The following TOLLIP variants were observed in gnomAD, a reference collection of about 807,000 sequenced individuals.
TOLLIP encodes toll interacting protein, also known as toll-interacting protein.
In TOLLIP, 16 loss-of-function variants were observed where a neutral mutation model predicts 33.5. The ratio of observed to expected loss-of-function variants is 0.48; its 90% CI spans 0.32 to 0.72. TOLLIP has a LOEUF of 0.72. TOLLIP is among the 30% of genes least tolerant of loss of function. TOLLIP has a pLI of 0.03. For synonymous variants in TOLLIP, 176 were observed against 163.7 expected (o/e 1.07, Z -0.57); for missense variants, 325 against 396.6 (o/e 0.82, Z 1.53).
intron 5 of TOLLIP, among the ~76,000 whole-genome samples, chr11:1,279,086 G>T (rs138709550): frequency 9.9e-5 from 15 of 152,220 alleles, no homozygotes; most frequent in Non-Finnish European, 1.9e-4. Context: ...GGAAGGGACA[G>T]GAGGAGGGGA....
intron 2 of TOLLIP, among the ~76,000 whole-genome samples, chr11:1,292,661 G>A (rs903418347): frequency 2.0e-5 from 3 of 152,222 alleles, no homozygotes; most frequent in African/African-American, 7.2e-5. Flanking sequence ...GAGACACTGT[G>A]GACACCGTGG....
intron 5 of TOLLIP, among the ~76,000 whole-genome samples, chr11:1,282,472 AAAAT>A (rs899973164): frequency 1.3e-5 from 2 of 151,142 alleles, no homozygotes; most frequent in East Asian, 1.9e-4. Flanking sequence ...AAGTATAATT[AAAAT>A]AAATAAATAA....
chr11:1,276,750 C>A lies in TOLLIP; in HGVS notation c.*289G>T. 1 of 1,481,040 alleles carries A rather than the reference C, an allele frequency of 6.8e-7. No homozygotes were observed. The highest frequency in any genetic ancestry group is 9.0e-7 in the Non-Finnish European group (1 of 1,111,464). The allele number at this position is 1,481,040 out of a possible 1,614,324, so 91.7% of individuals were successfully genotyped here. A position where few individuals can be genotyped will look rare whatever the true frequency, so the allele number is the denominator to read the frequency against. On this transcript the variant is annotated 3_prime_UTR_variant, in exon 6 of 6. Coordinates refer to ENST00000317204, the MANE Select transcript of TOLLIP (RefSeq NM_019009.4). ...AAGCAGCTGCTCTCTACAGCAAGAG[C>A]ATTTTCCAGAACGGCATGAGAAGGA...
At chr11:1,295,539 T>C (rs2133916312) in intron 2 of TOLLIP, 106 bp downstream of exon 2, 2 of 1,331,806 alleles carry the variant, frequency 1.5e-6, no homozygotes, top group Non-Finnish European at 2.0e-6. Context: ...GAATCAGAAG[T>C]TCTGTTTGCC....
In TOLLIP at chr11:1,290,476, G is replaced by T; in HGVS notation, c.184-67C>A. 1 of 1,495,278 alleles carries T rather than the reference G, an allele frequency of 6.7e-7. No homozygotes were observed. The highest frequency in any genetic ancestry group is 1.2e-5 in the South Asian group (1 of 84,930). 92.6% of individuals were successfully genotyped at this position (1,495,278 alleles called of 1,614,324 possible). A position where few individuals can be genotyped will look rare whatever the true frequency, so the allele number is the denominator to read the frequency against. ...CAGGAGAGGGTGGGTTCTCTAGGCC[G>T]TCTGCCTCCCTGAACCCTTCCACGA... On this transcript the variant is annotated intron_variant, in intron 2 of 5. Transcript: ENST00000317204. This position sits in a 1 kb window ranked among gnomAD's most constrained non-coding sequence, Gnocchi z 4.9.
intron 2 of TOLLIP, among the ~76,000 whole-genome samples, chr11:1,294,323 G>C (rs1265007518): frequency 3.7e-5 from 2 of 54,436 alleles, no homozygotes; most frequent in African/African-American, 1.6e-4. Flanking sequence ...TCCTTTCCCT[G>C]CATTTCTACG....
intron 2 of TOLLIP, chr11:1,292,101 G>A (rs986824552): frequency 1.1e-4 from 16 of 152,234 alleles, no homozygotes; most frequent in African/African-American, 3.9e-4. Context: ...GAATGCTATG[G>A]AGTGACAGTT....
In TOLLIP at chr11:1,288,638, C is replaced by T. The variant is rs144024538; in HGVS notation, c.505G>A (p.Val169Ile). 19 of 1,612,270 alleles carry T rather than the reference C, an allele frequency of 1.2e-5. No homozygotes were observed. Among genetic ancestry groups the T allele is most frequent in the African/African-American group, 6.7e-5 (5 of 74,928 alleles). The change falls in exon 4 of 6, where the codon GTC (valine) becomes ATC (isoleucine). Residue 169 changes from valine (V) to isoleucine (I), a missense_variant. By Grantham distance (29) the Val-to-Ile change is conservative. Transcript: ENST00000317204. Reference protein sequence around the residue: ...GDDKEGMINLVMSYALLPAAM... With the variant: ...GDDKEGMINLIMSYALLPAAM... The stretch of plus-strand genomic sequence containing the variant: ...GTGCAGCTCACCGCGTAGGACATGA[C>T]GAGGTTGATCATGCCCTCCTTGTCG...
intron 5 of TOLLIP, among the ~76,000 whole-genome samples, chr11:1,281,532 T>C (rs569719219): frequency 5.3e-5 from 8 of 152,282 alleles, no homozygotes; most frequent in Non-Finnish European, 1.0e-4. Flanking sequence ...CCCCGAGACC[T>C]GCACCCTGTG....
At chr11:1,296,303 C>T (rs1404958725) in intron 1 of TOLLIP, among the ~76,000 whole-genome samples, 4 of 152,220 alleles carry the variant, frequency 2.6e-5, no homozygotes, top group Admixed American at 2.0e-4. Context: ...CCCAGAAGAA[C>T]GCAGGAAGTA....
At position 1,275,635 on chromosome 11, in the gene TOLLIP, T is replaced by C. The variant is rs1863273156; in HGVS notation, c.*1404A>G. 1 of 152,128 alleles carries C rather than the reference T, an allele frequency of 6.6e-6. No homozygotes were observed. Among genetic ancestry groups the C allele is most frequent in the Non-Finnish European group, 1.5e-5 (1 of 68,034 alleles). 9.4% of individuals were successfully genotyped at this position (152,128 alleles called of 1,614,324 possible). ...TCCCTCCCCCACGGCCACCACACACTTCAAGTTTACAAAAATAAATATTTA... is the reference window on the plus strand; with the variant it reads ...TCCCTCCCCCACGGCCACCACACACCTCAAGTTTACAAAAATAAATATTTA... On this transcript the variant is annotated 3_prime_UTR_variant, in exon 6 of 6. Transcript: ENST00000317204.
At chr11:1,307,657 C>G (rs1436848154) in intron 1 of TOLLIP, among the ~76,000 whole-genome samples, 1 of 152,224 alleles carries the variant, frequency 6.6e-6, no homozygotes, top group Non-Finnish European at 1.5e-5. Context: ...GTGCTGGTTC[C>G]CTTGTTGCTC....
At chr11:1,293,097 G>A (rs766071540) in intron 2 of TOLLIP, among the ~76,000 whole-genome samples, 10 of 152,158 alleles carry the variant, frequency 6.6e-5, no homozygotes, top group Non-Finnish European at 1.5e-4. Flanking sequence ...GGTGGCGCCT[G>A]TGCTGAGGGT....
chr11:1,287,261 C>T (rs373719023), intron 4 of TOLLIP, among the ~76,000 whole-genome samples: 7 of 152,208 alleles, frequency 4.6e-5, no homozygotes, highest in Non-Finnish European at 7.3e-5. Flanking sequence ...TGTATGAAAG[C>T]GTCTGTTAAA....
chr11:1,278,142 C>T lies in TOLLIP; in HGVS notation c.611-889G>A, dbSNP rs1863371501. ...AAGACTCGCCTCCCAGCCTGGTGGC[C>T]GCTCCCTAAAACCACGAGCAGCCCT... On this transcript the variant is annotated intron_variant, in intron 5 of 5. Coordinates refer to ENST00000317204, the MANE Select transcript of TOLLIP (RefSeq NM_019009.4). The surrounding 1 kb of genome is among the most constrained non-coding windows in gnomAD (Gnocchi z 4.7). Among the ~76,000 whole-genome samples the T allele has an allele frequency of 6.6e-6, 1 of 152,122 alleles. No homozygotes were observed. The highest frequency in any genetic ancestry group is 6.5e-5 in the Admixed American group (1 of 15,276).
At chr11:1,302,721 A>T in intron 1 of TOLLIP, 1 of 985,724 alleles carries the variant, frequency 1.0e-6, no homozygotes, top group Non-Finnish European at 1.2e-6. Flanking sequence ...CATGTTCAAT[A>T]AACAACCCTT....
At position 1,276,480 on chromosome 11, in the gene TOLLIP, C is replaced by G; in HGVS notation, c.*559G>C. 1 of 362,288 alleles carries G rather than the reference C, an allele frequency of 2.8e-6. No individual in the cohort carries two copies. The highest frequency in any genetic ancestry group is 5.2e-6 in the Non-Finnish European group (1 of 191,906). The allele number at this position is 362,288 out of a possible 1,614,324, so 22.4% of individuals were successfully genotyped here. Reference sequence around the variant, plus strand: ...GTGGCCAGGTGAGCCAGGCCAGAGGCCGGCCCCACACCATCCACAGGAAGC... The same window carrying G: ...GTGGCCAGGTGAGCCAGGCCAGAGGGCGGCCCCACACCATCCACAGGAAGC... On this transcript the variant is annotated 3_prime_UTR_variant, in exon 6 of 6. Coordinates refer to ENST00000317204, the MANE Select transcript of TOLLIP (RefSeq NM_019009.4).
rs779689281 is a variant in TOLLIP, at chr11:1,295,832, G to A, written c.34-38C>T. On this transcript the variant is annotated intron_variant, in intron 1 of 5. Transcript: ENST00000317204. ...GGACCAGAGAGGCCAGTGAGTCAGG[G>A]TGGGGGCACAAAGCAGCCCGACAGC... 5 of 1,517,280 alleles carry A rather than the reference G, an allele frequency of 3.3e-6. 1 individual carries two copies. The South Asian group carries it at 6.2e-5, about 19-fold the overall frequency. 94.0% of individuals were successfully genotyped at this position (1,517,280 alleles called of 1,614,324 possible).
intron 2 of TOLLIP, among the ~76,000 whole-genome samples, chr11:1,292,571 T>TG (rs1863983542): frequency 1.3e-5 from 2 of 152,248 alleles, no homozygotes; most frequent in Non-Finnish European, 2.9e-5. Context: ...ACTGCTCTGC[T>TG]GAAGTGACCT....
Sources: gnomAD v4.1 joint callset for allele counts (sites outside exome capture counted in the v4.1 genomes callset) on GRCh38, gnomAD v4.1.1 for gene constraint, Gnocchi (gnomAD v3.1) non-coding constraint, MANE v1.5 for transcripts, NCBI Gene and HGNC (gene_info 2026-07-23, HGNC 2026-07-21) for gene names.